The following ERICH6B variants were observed in gnomAD, a reference collection of about 807,000 sequenced individuals.
ERICH6B encodes glutamate rich 6B.
Under a neutral mutation model 80.0 loss-of-function variants are expected in ERICH6B, and 69 were observed. The observed-to-expected ratio is 0.86, with a 90% CI of 0.71 to 1.05. The LOEUF (loss-of-function observed/expected upper bound fraction) is 1.05. Ranked by LOEUF, ERICH6B falls within the 50% of genes least tolerant of loss-of-function variation. The pLI is 0.00. For synonymous variants in ERICH6B, 283 were observed against 291.9 expected, an observed-to-expected ratio of 0.97 and a Z score of 0.31; for missense variants, 754 against 796.1, an observed-to-expected ratio of 0.95 and a Z score of 0.64.
At chr13:45,586,179 A>G (rs1875892248) in intron 5 of ERICH6B, among the ~76,000 whole-genome samples, 1 of 152,160 alleles carries the variant, frequency 6.6e-6, no homozygotes, top group Non-Finnish European at 1.5e-5. Flanking sequence ...AACACTCCTC[A>G]GCACATGCTG....
At chr13:45,560,237 C>CT (rs1481717626) in intron 11 of ERICH6B, among the ~76,000 whole-genome samples, 2 of 152,134 alleles carry the variant, frequency 1.3e-5, no homozygotes, top group Non-Finnish European at 2.9e-5. Flanking sequence ...ATGAATGACT[C>CT]TAATATTTTG....
intron 11 of ERICH6B, among the ~76,000 whole-genome samples, chr13:45,561,027 G>T (rs1421724173): frequency 2.6e-5 from 4 of 152,146 alleles, no homozygotes; most frequent in African/African-American, 7.2e-5. Flanking sequence ...CTGGGCTCAA[G>T]TGATCCTCCC....
rs1292481333 is a variant in ERICH6B at position 45,590,677 on chromosome 13, A to T, written c.658T>A (p.Ser220Thr). The part of the protein sequence containing the change: ...YLKEPKASYS[S>T]QTMLLRDARS... ...GCATCACGAAGAAGCATGGTTTGTG[A>T]TGAATAACTTGCCTTGGGTTCTATT... is the stretch of plus-strand genomic sequence containing the variant. The change falls in exon 4 of 15, where the codon TCA (serine) becomes ACA (threonine). Residue 220 changes from serine (S) to threonine (T), a missense_variant. Physicochemically the swap from Ser to Thr is moderately conservative, Grantham distance 58. Transcript: ENST00000298738. The T allele has an allele frequency of 6.4e-7, 1 of 1,551,602 alleles. No homozygotes were observed. The highest frequency in any genetic ancestry group is 2.0e-5 in the Admixed American group (1 of 50,934).
intron 1 of ERICH6B, among the ~76,000 whole-genome samples, chr13:45,612,841 T>C (rs1925757): frequency 0.27 from 41,287 of 152,008 alleles, 6,452 homozygotes; most frequent in African/African-American, 0.44. Flanking sequence ...GACCTGAAAT[T>C]GCCCCACTTA....
chr13:45,551,483 A>C (rs1874220614), intron 11 of ERICH6B: 1 of 152,176 alleles, frequency 6.6e-6, no homozygotes, highest in Non-Finnish European at 1.5e-5. Flanking sequence ...ATTTAAAAGA[A>C]AGCCCCCTGG....
intron 9 of ERICH6B, among the ~76,000 whole-genome samples, chr13:45,566,317 C>A (rs1248666515): frequency 6.6e-6 from 1 of 152,172 alleles, no homozygotes; most frequent in Non-Finnish European, 1.5e-5. Flanking sequence ...AAGCCAGCTG[C>A]AGAAATTTGC....
chr13:45,591,400 T>C (rs1876150586), intron 3 of ERICH6B, among the ~76,000 whole-genome samples: 1 of 152,064 alleles, frequency 6.6e-6, no homozygotes, highest in South Asian at 2.1e-4. Flanking sequence ...ATCGAGACCA[T>C]CCTGGCTAAT....
rs1440930669 is a variant in ERICH6B at position 45,605,152 on chromosome 13, A to C, written c.-59+2412T>G. ...TCTTTGGTTCCCTGACTCCCAACCC[A>C]CTCAAGGTGTCCTCCCATCTCTAAG... On this transcript the variant is annotated intron_variant, in intron 2 of 14. Transcript: ENST00000298738. Among the ~76,000 whole-genome samples, 5 of 151,482 alleles carry C rather than the reference A, an allele frequency of 3.3e-5. No individual in the cohort carries two copies. The East Asian group carries it at 9.7e-4, about 30-fold the overall frequency.
At chr13:45,606,499 G>GTA (rs34684231) in intron 2 of ERICH6B, among the ~76,000 whole-genome samples, 2 of 40,766 alleles carry the variant, frequency 4.9e-5, no homozygotes, top group Admixed American at 4.0e-4. Flanking sequence ...TCCCAAAAGT[G>GTA]TATGTGTATA....
At chr13:45,612,369 A>C (rs560742975) in intron 1 of ERICH6B, among the ~76,000 whole-genome samples, 19 of 152,362 alleles carry the variant, frequency 1.2e-4, no homozygotes, top group African/African-American at 4.6e-4. Flanking sequence ...GCTTAAGCAG[A>C]AAGACAGGAA....
chr13:45,542,799 C>A (rs556685194), intron 14 of ERICH6B, among the ~76,000 whole-genome samples: 2 of 152,210 alleles, frequency 1.3e-5, no homozygotes, highest in Admixed American at 1.3e-4. Context: ...AAATAGGAGG[C>A]CTTCCCAGGC....
At chr13:45,579,693 A>C (rs896840641) in intron 7 of ERICH6B, among the ~76,000 whole-genome samples, 1 of 152,120 alleles carries the variant, frequency 6.6e-6, no homozygotes, top group South Asian at 2.1e-4. Flanking sequence ...CCCTATCCCA[A>C]GCTTTTGAGT....
At chr13:45,558,639 T>C (rs1874534573) in intron 11 of ERICH6B, among the ~76,000 whole-genome samples, 1 of 152,204 alleles carries the variant, frequency 6.6e-6, no homozygotes, top group Non-Finnish European at 1.5e-5. Flanking sequence ...GTTTTAATTA[T>C]AAAGGGATTC....
intron 2 of ERICH6B, among the ~76,000 whole-genome samples, chr13:45,602,601 GCCTT>G (rs930846920): frequency 6.6e-6 from 1 of 152,272 alleles, no homozygotes; most frequent in African/African-American, 2.4e-5. Flanking sequence ...AACTCCAACA[GCCTT>G]CTTGGCATCT....
At chr13:45,578,911 G>A (rs1471570496) in intron 7 of ERICH6B, among the ~76,000 whole-genome samples, 2 of 152,238 alleles carry the variant, frequency 1.3e-5, no homozygotes, top group African/African-American at 4.8e-5. Flanking sequence ...TTAGCCAGGA[G>A]TGGTGGCATG....
At chr13:45,570,945 C>CCGTGTGG (rs1875136977) in intron 8 of ERICH6B, among the ~76,000 whole-genome samples, 2 of 152,120 alleles carry the variant, frequency 1.3e-5, no homozygotes, top group African/African-American at 4.8e-5. Flanking sequence ...GCTGCAGGTT[C>CCGTGTGG]CATGTGGCAT....
Position 45,596,441 on chromosome 13 carries a change from C to T in ERICH6B, c.565G>A (p.Glu189Lys), listed in dbSNP as rs971666539. 3 of 1,551,842 alleles carry T rather than the reference C, an allele frequency of 1.9e-6. No individual in the cohort carries two copies. Among genetic ancestry groups the T allele is most frequent in the Admixed American group, 2.0e-5 (1 of 51,000 alleles). Residue 189 changes from glutamate (E) to lysine (K), a missense_variant, in exon 3 of 15, where the codon GAG (glutamate) becomes AAG (lysine). Glu to Lys is a moderately conservative substitution (Grantham distance 56). Transcript: ENST00000298738. ...TCCTTCTCCAGAGCTTCTTCCTCCTCCAGATTCTCTTCCTTCTCCAGAGCC... is the reference window on the plus strand; with the variant it reads ...TCCTTCTCCAGAGCTTCTTCCTCCTTCAGATTCTCTTCCTTCTCCAGAGCC... ...EKALEKEENLEEEEALEKEEN... is the reference protein window; with the variant it reads ...EKALEKEENLKEEEALEKEEN...
At chr13:45,613,578 C>T (rs748780806) in intron 1 of ERICH6B, among the ~76,000 whole-genome samples, 11 of 152,148 alleles carry the variant, frequency 7.2e-5, no homozygotes, top group Admixed American at 2.0e-4. Context: ...TTATCACAAC[C>T]ACCAGTCAAA....
intron 2 of ERICH6B, among the ~76,000 whole-genome samples, chr13:45,604,703 AACAAAC>A (rs1566306864): frequency 1.1e-4 from 17 of 152,178 alleles, no homozygotes; most frequent in African/African-American, 4.1e-4. Context: ...AAAACAAACA[AACAAAC>A]AAACAAAACA....
Sources: gnomAD v4.1 joint callset for allele counts (sites outside exome capture counted in the v4.1 genomes callset) on GRCh38, gnomAD v4.1.1 for gene constraint, MANE v1.5 for transcripts, NCBI Gene and HGNC (gene_info 2026-07-23, HGNC 2026-07-21) for gene names.